The following KYNU variants were observed in gnomAD, a reference collection of about 807,000 sequenced individuals.
KYNU encodes the protein kynureninase.
In KYNU, 54 loss-of-function variants were observed where a neutral mutation model predicts 59.2. That is an observed-to-expected ratio of 0.91 (90% CI 0.73 to 1.14). The LOEUF (loss-of-function observed/expected upper bound fraction) is 1.14, where lower values mean the gene tolerates loss of function less well. Ranked by LOEUF, KYNU falls within the 50% of genes most tolerant of loss-of-function variation. The pLI is 0.00. For missense variants in KYNU, 567 were observed against 554.4 expected (o/e 1.02, Z -0.23); for synonymous variants, 177 against 192.0 (o/e 0.92, Z 0.65).
chr2:142,944,461 G>A (rs902068199), intron 4 of KYNU, among the ~76,000 whole-genome samples: 14 of 152,188 alleles, frequency 9.2e-5, no homozygotes, highest in Non-Finnish European at 1.9e-4. Context: ...ACTCATCTCA[G>A]AAGTGATTTA....
At chr2:142,946,606 G>A (rs1009522239) in intron 4 of KYNU, among the ~76,000 whole-genome samples, 2 of 152,310 alleles carry the variant, frequency 1.3e-5, no homozygotes, top group African/African-American at 4.8e-5. Flanking sequence ...AAACCATGCT[G>A]TAAATAGGTG....
chr2:142,939,619 A>G (rs1028091012), intron 4 of KYNU, among the ~76,000 whole-genome samples: 29 of 150,386 alleles, frequency 1.9e-4, no homozygotes, highest in East Asian at 5.8e-4. Flanking sequence ...AAAAAAAAAA[A>G]AAAGAAAAAA....
intron 1 of KYNU, among the ~76,000 whole-genome samples, chr2:142,882,486 C>T (rs983535944): frequency 2.0e-5 from 3 of 152,150 alleles, no homozygotes; most frequent in Admixed American, 1.3e-4. Context: ...CCCATCCCCC[C>T]ACTCCACGAC....
intron 10 of KYNU, among the ~76,000 whole-genome samples, chr2:143,019,692 C>G (rs1004486501): frequency 1.3e-5 from 2 of 152,054 alleles, no homozygotes; most frequent in Admixed American, 6.6e-5. Flanking sequence ...TGAAAGTATT[C>G]CCTCCTCTTA....
At chr2:142,978,758 A>G (rs1421546922) in intron 8 of KYNU, among the ~76,000 whole-genome samples, 1 of 152,166 alleles carries the variant, frequency 6.6e-6, no homozygotes, top group East Asian at 1.9e-4. Context: ...CATACCATCT[A>G]TATATCAGCC....
In KYNU at chr2:143,044,699, A is replaced by C. The variant is rs1291415964; in HGVS notation, c.*2527A>C. 6.6e-6 allele frequency: 1 copy of C among 151,752 alleles called. No individual in the cohort carries two copies. The highest frequency in any genetic ancestry group is 1.5e-5 in the Non-Finnish European group (1 of 67,862). The allele number at this position is 151,752 out of a possible 1,614,324, so 9.4% of individuals were successfully genotyped here. A position where few individuals can be genotyped will look rare whatever the true frequency, so the allele number is the denominator to read the frequency against. ...GGGGTTGTGTTTTTCTTGTAAATTT[A>C]TTTAAGTCCCTTGTAGATTCTGGAT... On this transcript the variant is annotated 3_prime_UTR_variant, in exon 14 of 14. Coordinates refer to ENST00000264170, the MANE Select transcript of KYNU (RefSeq NM_003937.3).
chr2:143,017,385 C>T (rs1298298138), intron 10 of KYNU, among the ~76,000 whole-genome samples: 1 of 151,690 alleles, frequency 6.6e-6, no homozygotes, highest in African/African-American at 2.4e-5. Context: ...TCTCTTTTCT[C>T]CACAGGCTCA....
chr2:142,964,069 T>A (rs537932218), intron 8 of KYNU, among the ~76,000 whole-genome samples: 162 of 152,192 alleles, frequency 1.1e-3, no homozygotes, highest in African/African-American at 3.7e-3. Flanking sequence ...TATTTGCTAC[T>A]TTTATATGTG....
chr2:142,997,379 CTTTG>C (rs1283650224), intron 10 of KYNU, among the ~76,000 whole-genome samples: 2 of 152,122 alleles, frequency 1.3e-5, no homozygotes, highest in African/African-American at 2.4e-5. Flanking sequence ...TTATTACAGA[CTTTG>C]TTTATTTTTA....
At chr2:142,945,080 T>C (rs1683728558) in intron 4 of KYNU, among the ~76,000 whole-genome samples, 1 of 152,254 alleles carries the variant, frequency 6.6e-6, no homozygotes, top group Non-Finnish European at 1.5e-5. Flanking sequence ...TATTAATGGC[T>C]GCTGACCAAT....
In KYNU at chr2:142,954,802, T is replaced by C. The variant is rs751938964; in HGVS notation, c.374-8T>C. The C allele has an allele frequency of 7.0e-6, 11 of 1,576,860 alleles. No homozygotes were observed. The highest frequency in any genetic ancestry group is 8.7e-6 in the Non-Finnish European group (10 of 1,146,560). On this transcript the variant is annotated splice_region_variant and splice_polypyrimidine_tract_variant and intron_variant, in intron 4 of 13. Coordinates refer to ENST00000264170, the MANE Select transcript of KYNU (RefSeq NM_003937.3). ...AAACATCTAAATTACGATATGTTTA[T>C]TTTACAGGAGCCAATGAGAAAGAAA...
chr2:142,927,416 A>G (rs1683078303), intron 3 of KYNU, among the ~76,000 whole-genome samples: 1 of 151,502 alleles, frequency 6.6e-6, no homozygotes, highest in Non-Finnish European at 1.5e-5. Context: ...AAATATTAAA[A>G]TAACATATGA....
intron 12 of KYNU, among the ~76,000 whole-genome samples, chr2:143,034,531 CTG>C (rs979023484): frequency 9.9e-5 from 15 of 152,248 alleles, no homozygotes; most frequent in East Asian, 9.7e-4. Context: ...TCATTTCATT[CTG>C]TCTCAATTTA....
intron 10 of KYNU, among the ~76,000 whole-genome samples, chr2:143,005,647 T>C (rs1461772768): frequency 6.6e-6 from 1 of 152,098 alleles, no homozygotes; most frequent in Non-Finnish European, 1.5e-5. Context: ...TATATTTGAA[T>C]AGTACATTAT....
chr2:143,019,946 C>A (rs1048299714), intron 10 of KYNU, among the ~76,000 whole-genome samples: 2 of 151,508 alleles, frequency 1.3e-5, no homozygotes, highest in Admixed American at 6.6e-5. Flanking sequence ...TGTAATTATC[C>A]TTTGTATTTC....
Position 142,972,811 on chromosome 2 carries a change from T to TAGAGAGAGAGAG in KYNU, c.729+12042_729+12043insGAGAGAGAGAGA, listed in dbSNP as rs1269873595. ...GAGGCCATATATATATATATATATA[T>TAGAGAGAGAGAG]ATAGAGAGAGAGAGAGAGAGAGAGA... On this transcript the variant is annotated intron_variant, in intron 8 of 13. Coordinates refer to ENST00000264170, the MANE Select transcript of KYNU (RefSeq NM_003937.3). Among the ~76,000 whole-genome samples, 8 of 132,324 alleles carry TAGAGAGAGAGAG rather than the reference T, an allele frequency of 6.0e-5. No homozygotes were observed. The East Asian group carries it at 1.7e-3, about 29-fold the overall frequency. The allele number at this position is 132,324 out of a possible 152,430, so 86.8% of individuals were successfully genotyped here. A position where few individuals can be genotyped will look rare whatever the true frequency, so the allele number is the denominator to read the frequency against.
rs763614648 is a variant in KYNU at position 143,040,654 on chromosome 2, T to G, written c.1268T>G (p.Val423Gly). ...TTCCAAGAACTAGAAAAAAGAGGAG[T>G]GGTTGTAAGTATGTCTTGCTTTGCT... The part of the protein sequence containing the change: ...DVFQELEKRG[V>G]VCDKRNPNGI... The change falls in exon 13 of 14, where the codon GTG becomes GGG. Residue 423 changes from valine to glycine, a missense_variant. Coordinates refer to ENST00000264170, the MANE Select transcript of KYNU (RefSeq NM_003937.3). The G allele has an allele frequency of 1.3e-6, 2 of 1,593,256 alleles. No homozygotes were observed. The highest frequency in any genetic ancestry group is 2.7e-5 in the African/African-American group (2 of 74,050).
intron 10 of KYNU, among the ~76,000 whole-genome samples, chr2:142,987,542 GA>G (rs1685246507): frequency 6.6e-6 from 1 of 151,936 alleles, no homozygotes; most frequent in South Asian, 2.1e-4. Context: ...GCTCCCAAGA[GA>G]AAGACCATCT....
intron 10 of KYNU, among the ~76,000 whole-genome samples, chr2:143,021,498 G>A (rs1030960105): frequency 4.6e-5 from 7 of 152,126 alleles, no homozygotes; most frequent in African/African-American, 1.7e-4. Flanking sequence ...GGTTCTGCAG[G>A]TTGTACAGGA....
Sources: allele counts gnomAD v4.1 joint callset (sites outside exome capture counted in the v4.1 genomes callset), GRCh38; gene constraint gnomAD v4.1.1; transcripts MANE v1.5; gene names NCBI Gene and HGNC (gene_info 2026-07-23, HGNC 2026-07-21).